Variants in GNAL observed in about 807,000 individuals in gnomAD.
The protein encoded by GNAL is guanine nucleotide-binding protein G(olf) subunit alpha.
Under a neutral mutation model 55.1 loss-of-function variants are expected in GNAL, and 18 were observed. The observed-to-expected ratio is 0.33, with a 90% CI of 0.23 to 0.48. The LOEUF (loss-of-function observed/expected upper bound fraction) is 0.48, where lower values mean the gene tolerates loss of function less well. GNAL is among the 20% of genes least tolerant of loss of function. GNAL has a pLI of 0.99. For synonymous variants in GNAL, 253 were observed against 237.0 expected (o/e 1.07, Z -0.62); for missense variants, 412 against 614.1 (o/e 0.67, Z 3.48).
intron 1 of GNAL, among the ~76,000 whole-genome samples, chr18:11,732,411 C>T (rs1003294906): frequency 6.6e-6 from 1 of 152,082 alleles, no homozygotes; most frequent in Non-Finnish European, 1.5e-5. Flanking sequence ...ATTTGCAGTT[C>T]CTTAATTAAT....
Position 11,739,636 on chromosome 18 carries a change from T to C in GNAL, c.377-13217T>C, listed in dbSNP as rs9952092. 8.9e-3 allele frequency among the ~76,000 whole-genome samples: 1,353 copies of C among 152,060 alleles called. 18 individuals carry two copies. The highest frequency in any genetic ancestry group is 0.031 in the African/African-American group (1,287 of 41,476). On this transcript the variant is annotated intron_variant, in intron 1 of 11. Coordinates refer to ENST00000334049, the MANE Select transcript of GNAL (RefSeq NM_182978.4). ...GCATTAGTGAAGAATACAGGTCCCTTTCCTTTTTTTTTTTTTAATTTTAGG... is the reference window on the plus strand; with the variant it reads ...GCATTAGTGAAGAATACAGGTCCCTCTCCTTTTTTTTTTTTTAATTTTAGG...
chr18:11,713,223 C>T (rs957697435), intron 1 of GNAL, among the ~76,000 whole-genome samples: 3 of 152,204 alleles, frequency 2.0e-5, no homozygotes, highest in African/African-American at 7.2e-5. Flanking sequence ...GCAAAAGAGT[C>T]AGTGACCATC....
At chr18:11,828,224 C>T (rs542262702) in intron 5 of GNAL, among the ~76,000 whole-genome samples, 2 of 152,098 alleles carry the variant, frequency 1.3e-5, no homozygotes, top group South Asian at 4.1e-4. Context: ...TGCAATACTT[C>T]AATCGTTAAG....
chr18:11,810,056 G>A (rs1288066335), intron 4 of GNAL, among the ~76,000 whole-genome samples: 1 of 152,212 alleles, frequency 6.6e-6, no homozygotes, highest in Non-Finnish European at 1.5e-5. Context: ...AGGTTCCCCA[G>A]AGCTAGGGGC....
At chr18:11,859,026 T>C (rs775846438) in intron 5 of GNAL, among the ~76,000 whole-genome samples, 1 of 152,212 alleles carries the variant, frequency 6.6e-6, no homozygotes, top group Non-Finnish European at 1.5e-5. Context: ...TCATTCTTTC[T>C]ACTTAGACTA....
Position 11,885,569 on chromosome 18 carries a change from G to A in GNAL, c.*4434G>A. 1 of 1,364,804 alleles carries A rather than the reference G, an allele frequency of 7.3e-7. No homozygotes were observed. 84.5% of individuals were successfully genotyped at this position (1,364,804 alleles called of 1,614,324 possible). ...TACGTGTAGAAGGAGAGAAATTTGT[G>A]TGTGGCTTTTGTAAATTTTGACCGA... On this transcript the variant is annotated 3_prime_UTR_variant, in exon 12 of 12. Coordinates refer to ENST00000334049, the MANE Select transcript of GNAL (RefSeq NM_182978.4).
At chr18:11,854,001 T>C (rs1483007474) in intron 5 of GNAL, 1 of 165,636 alleles carries the variant, frequency 6.0e-6, no homozygotes, top group Non-Finnish European at 1.5e-5. Context: ...TTTTTTGTAT[T>C]TTTAGTAGAG....
At chr18:11,734,151 T>C (rs1177863780) in intron 1 of GNAL, among the ~76,000 whole-genome samples, 6 of 133,082 alleles carry the variant, frequency 4.5e-5, no homozygotes, top group Non-Finnish European at 9.1e-5. Flanking sequence ...TCTTTTTCTT[T>C]TTTTTTTTTT....
chr18:11,802,643 C>T (rs910016099), intron 4 of GNAL, among the ~76,000 whole-genome samples: 15 of 152,176 alleles, frequency 9.9e-5, no homozygotes, highest in African/African-American at 2.4e-4. Context: ...CTATATCAGG[C>T]GTAATTCTAG....
chr18:11,726,307 C>T (rs1197366544), intron 1 of GNAL, among the ~76,000 whole-genome samples: 1 of 152,236 alleles, frequency 6.6e-6, no homozygotes, highest in Non-Finnish European at 1.5e-5. Flanking sequence ...AACAATAATT[C>T]ACCATTTCCA....
chr18:11,760,708 G>A (rs190718921), intron 4 of GNAL, among the ~76,000 whole-genome samples: 2 of 152,116 alleles, frequency 1.3e-5, no homozygotes, highest in Non-Finnish European at 2.9e-5. Context: ...CCTGCAGGGG[G>A]ACACAAGGGT....
At chr18:11,821,176 C>T (rs952153359) in intron 4 of GNAL, among the ~76,000 whole-genome samples, 2 of 152,190 alleles carry the variant, frequency 1.3e-5, no homozygotes, top group Non-Finnish European at 2.9e-5. Flanking sequence ...TCATGAGTGT[C>T]TTGTGTTGCT....
intron 1 of GNAL, among the ~76,000 whole-genome samples, chr18:11,740,526 G>A (rs2032554622): frequency 6.6e-6 from 1 of 152,098 alleles, no homozygotes; most frequent in African/African-American, 2.4e-5. Flanking sequence ...ACCCATTTGT[G>A]GACAGAATCA....
intron 4 of GNAL, among the ~76,000 whole-genome samples, chr18:11,781,548 G>A (rs960944241): frequency 1.3e-5 from 2 of 152,208 alleles, no homozygotes; most frequent in Admixed American, 6.5e-5. Flanking sequence ...GAAAAGAGCA[G>A]TTGTAGACAT....
At chr18:11,872,597 C>T (rs1371605716) in intron 10 of GNAL, among the ~76,000 whole-genome samples, 199 bp downstream of exon 10, 9 of 152,038 alleles carry the variant, frequency 5.9e-5, no homozygotes, top group South Asian at 2.1e-4. Context: ...TAAATGTTTC[C>T]GAGTTTGACT....
chr18:11,708,568 C>T (rs1228254987), intron 1 of GNAL, among the ~76,000 whole-genome samples: 1 of 152,204 alleles, frequency 6.6e-6, no homozygotes, highest in African/African-American at 2.4e-5. Flanking sequence ...AAAGTGAGCA[C>T]ATGCTGTTGG....
chr18:11,814,384 C>A (rs2034898831), intron 4 of GNAL, among the ~76,000 whole-genome samples: 1 of 151,876 alleles, frequency 6.6e-6, no homozygotes, highest in African/African-American at 2.4e-5. Flanking sequence ...AAATATTAGC[C>A]AGGCATTGTG....
chr18:11,872,135 G>C, intron 9 of GNAL, 133 bp from the exon 10 acceptor site: 1 of 623,506 alleles, frequency 1.6e-6, no homozygotes, highest in Middle Eastern at 4.6e-4. Flanking sequence ...GGATACTGGT[G>C]TACTGAACTT....
Position 11,883,224 on chromosome 18 carries a change from TCCC to T in GNAL, c.*2091_*2093del, listed in dbSNP as rs1227862557. ...TTTATCTCATCACCGTCTTACTGCC[TCCC>T]CATCCACTGTCTCATAAAGCCCTCA... On this transcript the variant is annotated 3_prime_UTR_variant, in exon 12 of 12. Transcript: ENST00000334049. 6.6e-6 allele frequency: 1 copy of T among 151,646 alleles called. No individual in the cohort carries two copies. Among genetic ancestry groups the T allele is most frequent in the Non-Finnish European group, 1.5e-5 (1 of 67,876 alleles). The allele number at this position is 151,646 out of a possible 1,614,324, so 9.4% of individuals were successfully genotyped here. A position where few individuals can be genotyped will look rare whatever the true frequency, so the allele number is the denominator to read the frequency against.
Sources: gnomAD v4.1 joint callset for allele counts (sites outside exome capture counted in the v4.1 genomes callset) on GRCh38, gnomAD v4.1.1 for gene constraint, MANE v1.5 for transcripts, NCBI Gene and HGNC (gene_info 2026-07-23, HGNC 2026-07-21) for gene names.